The following MYT1L variants were observed in gnomAD, a reference collection of about 807,000 sequenced individuals.
MYT1L encodes the protein myelin transcription factor 1-like protein.
In MYT1L, 12 loss-of-function variants were observed where a neutral mutation model predicts 126.7. The ratio of observed to expected loss-of-function variants is 0.09; its 90% confidence interval spans 0.06 to 0.15. The LOEUF (loss-of-function observed/expected upper bound fraction) is 0.15. MYT1L is among the 10% of genes least tolerant of loss of function. The pLI, the probability that MYT1L is intolerant of heterozygous loss-of-function variation, is 1.00. For synonymous variants in MYT1L, 541 were observed against 604.2 expected, an observed-to-expected ratio of 0.90 and a Z score of 1.53; for missense variants, 979 against 1,585.2, an observed-to-expected ratio of 0.62 and a Z score of 6.49.
At chr2:2,299,226 G>A (rs1361933558) in intron 1 of MYT1L, among the ~76,000 whole-genome samples, 1 of 152,184 alleles carries the variant, frequency 6.6e-6, no homozygotes, top group Non-Finnish European at 1.5e-5. Flanking sequence ...CAGGGACTTG[G>A]CACTAAGAAT....
chr2:1,996,426 T>C (rs1237614011), intron 5 of MYT1L, among the ~76,000 whole-genome samples: 1 of 149,776 alleles, frequency 6.7e-6, no homozygotes, highest in Non-Finnish European at 1.5e-5. Flanking sequence ...GAACCGAGTA[T>C]AGATGGGCCG....
intron 9 of MYT1L, among the ~76,000 whole-genome samples, chr2:1,925,366 T>C (rs1267942968): frequency 1.3e-5 from 2 of 152,236 alleles, no homozygotes; most frequent in Non-Finnish European, 2.9e-5. Flanking sequence ...TCCCACCTTA[T>C]GAACTTCCTC....
At chr2:2,263,585 G>T (rs1177645968) in intron 2 of MYT1L, among the ~76,000 whole-genome samples, 1 of 152,154 alleles carries the variant, frequency 6.6e-6, no homozygotes, top group African/African-American at 2.4e-5. Flanking sequence ...CGTTGCTGCT[G>T]CCCTCCTCTG....
chr2:2,148,198 G>A (rs1214476055), intron 3 of MYT1L, among the ~76,000 whole-genome samples: 3 of 152,194 alleles, frequency 2.0e-5, no homozygotes, highest in Non-Finnish European at 2.9e-5. Flanking sequence ...GCATAAAGCA[G>A]TGCTCCCCAA....
At chr2:2,062,763 C>T (rs2070700198) in intron 3 of MYT1L, among the ~76,000 whole-genome samples, 1 of 151,320 alleles carries the variant, frequency 6.6e-6, no homozygotes, top group Admixed American at 6.5e-5. Context: ...GTCTTCTTAC[C>T]TCTTGAGGAT....
chr2:2,052,242 T>C lies in MYT1L; in HGVS notation c.-158+1736A>G, dbSNP rs1166314954. Among the ~76,000 whole-genome samples, 9 of 152,290 alleles carry C rather than the reference T, an allele frequency of 5.9e-5. No individual in the cohort carries two copies. In the East Asian group the frequency reaches 1.7e-3, roughly 29 times the overall value. The stretch of plus-strand genomic sequence containing the variant: ...CAGAGTATACCCACATGCAAAAGAA[T>C]AAAGTTATAACATTACCTTAAACCT... On this transcript the variant is annotated intron_variant, in intron 4 of 24. Transcript: ENST00000647738.
At chr2:2,076,742 A>G (rs574958164) in intron 3 of MYT1L, among the ~76,000 whole-genome samples, 20 of 152,318 alleles carry the variant, frequency 1.3e-4, no homozygotes, top group Non-Finnish European at 2.2e-4. Context: ...TTGCTATAAC[A>G]TATTACCTAA....
chr2:2,105,546 CT>C, intron 3 of MYT1L, among the ~76,000 whole-genome samples: 1 of 152,154 alleles, frequency 6.6e-6, no homozygotes, highest in East Asian at 1.9e-4. Context: ...TTAATATGTT[CT>C]TTTTTAATGA....
At position 1,921,749 on chromosome 2, in the gene MYT1L, CTTATG is replaced by C. The variant is rs570712625; in HGVS notation, c.1483+532_1483+536del. ...ATTAATGTGCAGTCACTGCCCTTAT[CTTATG>C]TTATCGGTCATTCAGTTACTGTTCA... On this transcript the variant is annotated intron_variant, in intron 10 of 24. Coordinates refer to ENST00000647738, the MANE Select transcript of MYT1L (RefSeq NM_001303052.2). Among the ~76,000 whole-genome samples, 8 of 152,290 alleles carry C rather than the reference CTTATG, an allele frequency of 5.3e-5. No individual in the cohort carries two copies. In the East Asian group the frequency reaches 1.3e-3, roughly 26 times the overall value.
At chr2:1,964,212 C>T (rs2059163806) in intron 8 of MYT1L, among the ~76,000 whole-genome samples, 1 of 152,184 alleles carries the variant, frequency 6.6e-6, no homozygotes, top group Non-Finnish European at 1.5e-5. Context: ...TTGGAACACA[C>T]AGCATTTACG....
At chr2:2,329,988 G>C (rs1030871427) in intron 1 of MYT1L, among the ~76,000 whole-genome samples, 2 of 150,780 alleles carry the variant, frequency 1.3e-5, no homozygotes, top group Non-Finnish European at 3.0e-5. Context: ...TTTTTGAAAA[G>C]GAATATTTTA....
At chr2:2,168,391 T>C (rs1343474440) in intron 3 of MYT1L, among the ~76,000 whole-genome samples, 3 of 152,230 alleles carry the variant, frequency 2.0e-5, no homozygotes, top group African/African-American at 7.2e-5. Flanking sequence ...TTAAAAGCAC[T>C]TGTTAGGTGT....
chr2:1,801,544 C>T lies in MYT1L; in HGVS notation c.3276+152G>A, dbSNP rs144471219. On this transcript the variant is annotated intron_variant, in intron 23 of 24. Transcript: ENST00000647738. This position sits in a 1 kb window ranked among gnomAD's most constrained non-coding sequence, Gnocchi z 4.2. The stretch of plus-strand genomic sequence containing the variant: ...GAACACTGCCACGGAATGGTGTCTG[C>T]GGAAGACCAATATCATAAGGTGGAA... The T allele has an allele frequency of 2.2e-4, 130 of 590,036 alleles. No individual in the cohort carries two copies. The highest frequency in any genetic ancestry group is 2.8e-4 in the East Asian group (10 of 35,482). The allele number at this position is 590,036 out of a possible 1,614,324, so 36.6% of individuals were successfully genotyped here.
At chr2:2,215,611 T>C (rs569028566) in intron 2 of MYT1L, among the ~76,000 whole-genome samples, 1 of 152,238 alleles carries the variant, frequency 6.6e-6, no homozygotes, top group Non-Finnish European at 1.5e-5. Context: ...CCTATCCTGA[T>C]AATTGATAGA....
intron 3 of MYT1L, among the ~76,000 whole-genome samples, chr2:2,141,780 C>T (rs540836789): frequency 1.1e-4 from 17 of 152,242 alleles, no homozygotes; most frequent in Non-Finnish European, 1.8e-4. Context: ...GGTGCTAGAA[C>T]GAAGAACAAG....
intron 2 of MYT1L, among the ~76,000 whole-genome samples, chr2:2,216,001 C>T (rs550892675): frequency 6.6e-5 from 10 of 151,962 alleles, no homozygotes; most frequent in Admixed American, 4.6e-4. Flanking sequence ...TCTCCCCCAA[C>T]CTTCTCTCCT....
intron 4 of MYT1L, among the ~76,000 whole-genome samples, chr2:2,032,619 A>C (rs2149939436): frequency 7.5e-6 from 1 of 134,224 alleles, no homozygotes; most frequent in African/African-American, 2.9e-5. Context: ...ACCCCTCGCA[A>C]GTGCCTCTCA....
At chr2:1,946,590 T>G (rs529388817) in intron 8 of MYT1L, among the ~76,000 whole-genome samples, 16 of 152,198 alleles carry the variant, frequency 1.1e-4, no homozygotes, top group Admixed American at 4.6e-4. Context: ...TAAGTCTCTA[T>G]CAGCCCTGAA....
At chr2:2,299,271 A>C (rs553043929) in intron 1 of MYT1L, among the ~76,000 whole-genome samples, 16 of 152,296 alleles carry the variant, frequency 1.1e-4, no homozygotes, top group African/African-American at 3.6e-4. Context: ...ATATGTGGAG[A>C]TCCTGGCTCT....
Sources: allele counts gnomAD v4.1 joint callset (sites outside exome capture counted in the v4.1 genomes callset), GRCh38; gene constraint gnomAD v4.1.1; non-coding constraint Gnocchi (gnomAD v3.1); transcripts MANE v1.5; gene names NCBI Gene and HGNC (gene_info 2026-07-23, HGNC 2026-07-21).